The following RALGAPA1 variants were observed in gnomAD, a reference collection of about 807,000 sequenced individuals.
RALGAPA1 encodes the protein ral GTPase-activating protein subunit alpha-1.
In RALGAPA1, 52 loss-of-function variants were observed where a neutral mutation model predicts 269.6. The observed-to-expected ratio is 0.19, with a 90% CI of 0.15 to 0.24. The LOEUF is 0.24. Among genes scored for constraint, RALGAPA1 ranks in the 10% least tolerant of loss-of-function variants. The probability of loss-of-function intolerance (pLI) is 1.00; values close to 1 mark genes in which losing one functional copy is unlikely to be tolerated. For missense variants in RALGAPA1, 1,917 were observed against 3,013.9 expected (o/e 0.64, Z 8.52); for synonymous variants, 817 against 1,008.3 (o/e 0.81, Z 3.60).
chr14:35,721,946 C>T, intron 15 of RALGAPA1, 97 bp from the exon 16 acceptor site: 1 of 983,624 alleles, frequency 1.0e-6, no homozygotes, highest in South Asian at 1.5e-5. Context: ...TAGGTTTGCT[C>T]ACATAAATTA....
Position 35,605,727 on chromosome 14 carries a change from A to ACAC in RALGAPA1, c.6930-21_6930-19dup. The ACAC allele has an allele frequency of 6.2e-7, 1 of 1,601,654 alleles. No homozygotes were observed. ...TCTCTCGGCTATAAAACAAAAGATT[A>ACAC]CACCATTAATTTAATCACTATTTTA... On this transcript the variant is annotated intron_variant, in intron 35 of 41. Coordinates refer to ENST00000680220, the MANE Select transcript of RALGAPA1 (RefSeq NM_001346249.2).
intron 13 of RALGAPA1, 137 bp from the exon 14 acceptor site, chr14:35,725,290 T>C: frequency 3.9e-6 from 2 of 513,286 alleles, no homozygotes. Flanking sequence ...ATGTTTAGAG[T>C]TCCTTAAATA....
chr14:35,807,655 T>C (rs935363140), intron 1 of RALGAPA1: 1 of 152,198 alleles, frequency 6.6e-6, no homozygotes, highest in Non-Finnish European at 1.5e-5. Flanking sequence ...ATAATTTACG[T>C]GAAATCACTG....
At chr14:35,633,031 T>C (rs1003344227) in intron 33 of RALGAPA1, among the ~76,000 whole-genome samples, 6 of 152,220 alleles carry the variant, frequency 3.9e-5, no homozygotes, top group Admixed American at 3.9e-4. Context: ...AGAAGGGTAC[T>C]GCACAGAGTA....
intron 27 of RALGAPA1, among the ~76,000 whole-genome samples, chr14:35,661,993 C>T (rs1378116299): frequency 2.0e-5 from 3 of 152,082 alleles, no homozygotes; most frequent in Admixed American, 6.6e-5. Flanking sequence ...GAGATGTATA[C>T]GAGCGTTTCT....
intron 1 of RALGAPA1, among the ~76,000 whole-genome samples, chr14:35,794,828 C>T (rs1434395175): frequency 6.6e-6 from 1 of 152,132 alleles, no homozygotes; most frequent in Admixed American, 6.5e-5. Flanking sequence ...TTTATACCTA[C>T]TGAATACTTT....
At position 35,805,366 on chromosome 14, in the gene RALGAPA1, CGGGAGG is replaced by C. The variant is rs57349324; in HGVS notation, c.106+3358_106+3363del. ...CTGAGGCAGGGGGATTGCTTGAACC[CGGGAGG>C]CGGAGGTTGCAGTGAGCCGAGATCG... On this transcript the variant is annotated intron_variant, in intron 1 of 41. Transcript: ENST00000680220. Among the ~76,000 whole-genome samples, 436 of 150,576 alleles carry C rather than the reference CGGGAGG, an allele frequency of 2.9e-3. 2 individuals carry two copies. Among genetic ancestry groups the C allele is most frequent in the African/African-American group, 0.01 (414 of 41,106 alleles).
intron 19 of RALGAPA1, among the ~76,000 whole-genome samples, chr14:35,685,539 A>C (rs1270929854): frequency 6.6e-6 from 1 of 152,184 alleles, no homozygotes; most frequent in African/African-American, 2.4e-5. Flanking sequence ...AGTAAGCCTA[A>C]AAAGAAAGGG....
intron 7 of RALGAPA1, among the ~76,000 whole-genome samples, chr14:35,753,644 A>G (rs1018953543): frequency 2.6e-5 from 4 of 152,212 alleles, no homozygotes; most frequent in Non-Finnish European, 4.4e-5. Context: ...AGGCAAATAT[A>G]TAGAGACAGA....
intron 31 of RALGAPA1, among the ~76,000 whole-genome samples, chr14:35,638,947 A>G (rs2061834598): frequency 6.6e-6 from 1 of 152,042 alleles, no homozygotes; most frequent in Non-Finnish European, 1.5e-5. Context: ...AAGAAAAAAA[A>G]AGAATAAAAA....
intron 31 of RALGAPA1, among the ~76,000 whole-genome samples, chr14:35,640,724 A>T (rs750822048): frequency 1.3e-5 from 2 of 152,174 alleles, no homozygotes; most frequent in Non-Finnish European, 2.9e-5. Flanking sequence ...GTATTTCCAA[A>T]CTCATTCTAT....
chr14:35,625,619 C>A (rs1262986357), intron 34 of RALGAPA1, among the ~76,000 whole-genome samples, 187 bp from the exon 35 acceptor site: 1 of 152,190 alleles, frequency 6.6e-6, no homozygotes, highest in Non-Finnish European at 1.5e-5. Flanking sequence ...ACCAGGTGTT[C>A]ATACATTTCT....
intron 31 of RALGAPA1, among the ~76,000 whole-genome samples, chr14:35,650,257 CACCTGTA>C (rs2062728531): frequency 6.6e-6 from 1 of 151,742 alleles, no homozygotes; most frequent in Admixed American, 6.6e-5. Flanking sequence ...TGGTGGTGTA[CACCTGTA>C]ATCCCAGTTA....
intron 13 of RALGAPA1, 112 bp from the exon 14 acceptor site, chr14:35,725,265 G>T: frequency 1.5e-6 from 1 of 662,038 alleles, no homozygotes; most frequent in Non-Finnish European, 2.3e-6. Context: ...AAACATCTTT[G>T]AAAGACAATT....
chr14:35,794,699 G>A (rs997115247), intron 1 of RALGAPA1, among the ~76,000 whole-genome samples: 5 of 152,194 alleles, frequency 3.3e-5, no homozygotes, highest in African/African-American at 7.2e-5. Flanking sequence ...CTCGTGATCC[G>A]CCCACCTCGG....
At chr14:35,617,123 G>A (rs938529427) in intron 35 of RALGAPA1, among the ~76,000 whole-genome samples, 2 of 152,190 alleles carry the variant, frequency 1.3e-5, no homozygotes, top group African/African-American at 4.8e-5. Context: ...GGAAGGTGAA[G>A]CATAGGAGTA....
Position 35,689,351 on chromosome 14 carries a change from G to T in RALGAPA1, c.3060C>A (p.Ile1020=), listed in dbSNP as rs1002318956. The T allele has an allele frequency of 8.1e-7, 1 of 1,232,074 alleles. No individual in the cohort carries two copies. Among genetic ancestry groups the T allele is most frequent in the Non-Finnish European group, 1.0e-6 (1 of 988,060 alleles). The allele number at this position is 1,232,074 out of a possible 1,614,324, so 76.3% of individuals were successfully genotyped here. Residue 1020 remains isoleucine, a synonymous_variant, in exon 18 of 42, where the codon ATC becomes ATA. Coordinates refer to ENST00000680220, the MANE Select transcript of RALGAPA1 (RefSeq NM_001346249.2). ...EPNSAVFMSN[I]APNQSDSFFR... The stretch of plus-strand genomic sequence containing the variant: ...AAAAACTGTCTGACTGGTTAGGTGC[G>T]ATATTACTCATGAAGACAGCTGAGT...
At chr14:35,753,510 A>C (rs746439925) in intron 7 of RALGAPA1, among the ~76,000 whole-genome samples, 2 of 152,210 alleles carry the variant, frequency 1.3e-5, no homozygotes, top group Non-Finnish European at 2.9e-5. Context: ...ATTCACCGCA[A>C]TAAAAATGAA....
intron 36 of RALGAPA1, among the ~76,000 whole-genome samples, chr14:35,604,047 T>A (rs2059438921): frequency 6.6e-6 from 1 of 152,136 alleles, no homozygotes; most frequent in African/African-American, 2.4e-5. Context: ...GTGATGGGTA[T>A]CCTAAATACC....
Sources: allele counts gnomAD v4.1 joint callset (sites outside exome capture counted in the v4.1 genomes callset), GRCh38; gene constraint gnomAD v4.1.1; transcripts MANE v1.5; gene names NCBI Gene and HGNC (gene_info 2026-07-23, HGNC 2026-07-21).